TENM4: variants seen among roughly 807,000 people sequenced by gnomAD.
The protein encoded by TENM4 is teneurin transmembrane protein 4.
A neutral mutation model predicts 243.3 loss-of-function variants in TENM4; 82 were observed. That is an observed-to-expected ratio of 0.34 (90% confidence interval 0.28 to 0.40). The LOEUF (loss-of-function observed/expected upper bound fraction) is 0.40, where lower values mean the gene tolerates loss of function less well. TENM4 is among the 10% of genes least tolerant of loss of function. The pLI, the probability that TENM4 is intolerant of heterozygous loss-of-function variation, is 1.00. For missense variants in TENM4, 3,138 were observed against 3,673.3 expected (o/e 0.85, Z 3.77); for synonymous variants, 1,412 against 1,456.3 (o/e 0.97, Z 0.69).
At chr11:78,707,674 G>A (rs1413315290) in intron 27 of TENM4, among the ~76,000 whole-genome samples, 1 of 152,164 alleles carries the variant, frequency 6.6e-6, no homozygotes, top group Non-Finnish European at 1.5e-5. Context: ...TATTCAACCT[G>A]TAAAACTTGC....
At chr11:79,318,183 C>T (rs368136711) in intron 1 of TENM4, among the ~76,000 whole-genome samples, 282 of 152,242 alleles carry the variant, frequency 1.9e-3, no homozygotes, top group African/African-American at 6.5e-3. Context: ...AATACAAATA[C>T]AGCAACACTT....
chr11:79,300,965 C>T (rs940443738), intron 1 of TENM4, among the ~76,000 whole-genome samples: 1 of 152,122 alleles, frequency 6.6e-6, no homozygotes, highest in Non-Finnish European at 1.5e-5. Context: ...CACAGCCAAT[C>T]AATCACCAAG....
At chr11:78,718,837 C>T (rs928418725) in intron 25 of TENM4, among the ~76,000 whole-genome samples, 18 of 152,160 alleles carry the variant, frequency 1.2e-4, no homozygotes, top group African/African-American at 3.9e-4. Context: ...TTCTTATTTA[C>T]ACTGGCTGCC....
chr11:78,936,842 G>C (rs561506957), intron 6 of TENM4, among the ~76,000 whole-genome samples: 13 of 152,278 alleles, frequency 8.5e-5, no homozygotes, highest in South Asian at 6.2e-4. Context: ...GGAAGGAGGA[G>C]AGGCTGCCCT....
intron 1 of TENM4, among the ~76,000 whole-genome samples, chr11:79,418,788 G>A (rs1436715746): frequency 2.0e-5 from 3 of 152,134 alleles, no homozygotes; most frequent in South Asian, 2.1e-4. Context: ...ACTCCATTAC[G>A]TGGCTGTGTC....
At chr11:79,220,457 T>G (rs896474883) in intron 2 of TENM4, among the ~76,000 whole-genome samples, 3 of 152,184 alleles carry the variant, frequency 2.0e-5, no homozygotes, top group African/African-American at 7.2e-5. Flanking sequence ...TTTTTACATT[T>G]CTTTATTATT....
intron 16 of TENM4, among the ~76,000 whole-genome samples, chr11:78,786,516 G>A (rs1386657861): frequency 6.6e-6 from 1 of 152,236 alleles, no homozygotes; most frequent in African/African-American, 2.4e-5. Flanking sequence ...CATCTTACGA[G>A]TGAGGAAACT....
At chr11:79,410,106 T>C (rs1363268274) in intron 1 of TENM4, among the ~76,000 whole-genome samples, 1 of 152,204 alleles carries the variant, frequency 6.6e-6, no homozygotes, top group African/African-American at 2.4e-5. Flanking sequence ...TTGGGCCGCA[T>C]TCAAAACCAT....
Position 78,903,497 on chromosome 11 carries a change from C to G in TENM4, c.520G>C (p.Ala174Pro). The part of the protein sequence containing the change: ...TDHPGGLQNH[A>P]RLRTPPPPLS... ...GGCGGCGGCGGCGTCCGGAGCCGCG[C>G]GTGGTTCTGCAGGCCGCCCGGATGA... The change falls in exon 7 of 34, where the codon GCG becomes CCG. Residue 174 changes from alanine (A) to proline (P), a missense_variant. Physicochemically the swap from Ala to Pro is conservative, Grantham distance 27. Transcript: ENST00000278550. The G allele has an allele frequency of 6.5e-7, 1 of 1,547,578 alleles. No individual in the cohort carries two copies. Among genetic ancestry groups the G allele is most frequent in the Non-Finnish European group, 8.7e-7 (1 of 1,146,438 alleles).
At chr11:79,247,102 C>CACTTA (rs1555035023) in intron 2 of TENM4, among the ~76,000 whole-genome samples, 1 of 150,846 alleles carries the variant, frequency 6.6e-6, no homozygotes, top group Non-Finnish European at 1.5e-5. Context: ...AAGAACAGGA[C>CACTTA]AGATGGAATT....
At chr11:79,127,947 T>C (rs1267838262) in intron 4 of TENM4, among the ~76,000 whole-genome samples, 1 of 152,192 alleles carries the variant, frequency 6.6e-6, no homozygotes, top group Non-Finnish European at 1.5e-5. Flanking sequence ...GTGGGCCTAT[T>C]TGGATTTTGG....
chr11:79,211,869 T>C (rs1863962554), intron 3 of TENM4, among the ~76,000 whole-genome samples: 1 of 152,178 alleles, frequency 6.6e-6, no homozygotes, highest in East Asian at 1.9e-4. Flanking sequence ...GCACAGGTGC[T>C]TTAGGGCATG....
intron 1 of TENM4, among the ~76,000 whole-genome samples, chr11:79,432,750 A>G (rs1388101294): frequency 6.6e-6 from 1 of 152,174 alleles, no homozygotes; most frequent in African/African-American, 2.4e-5. Context: ...CAGAAAAAGG[A>G]CCTCTAAAGG....
chr11:78,895,984 C>T (rs1855784378), intron 7 of TENM4, among the ~76,000 whole-genome samples: 1 of 152,304 alleles, frequency 6.6e-6, no homozygotes, highest in South Asian at 2.1e-4. Context: ...GGACTAGCCC[C>T]TGAACTGCCT....
intron 6 of TENM4, among the ~76,000 whole-genome samples, chr11:78,999,571 A>T (rs1858263281): frequency 6.6e-6 from 1 of 152,194 alleles, no homozygotes; most frequent in Admixed American, 6.5e-5. Flanking sequence ...ATAAATAAAA[A>T]GAGAACAGTA....
chr11:79,019,776 T>C (rs2136795022), intron 6 of TENM4, among the ~76,000 whole-genome samples: 1 of 152,242 alleles, frequency 6.6e-6, no homozygotes, highest in South Asian at 2.1e-4. Flanking sequence ...ACAGACACTA[T>C]GACATTAGAC....
intron 4 of TENM4, among the ~76,000 whole-genome samples, chr11:79,126,706 CTCAA>C (rs1861885496): frequency 6.6e-6 from 1 of 152,156 alleles, no homozygotes; most frequent in South Asian, 2.1e-4. Flanking sequence ...ATCATGGCCC[CTCAA>C]TCAATTTCCA....
At chr11:79,123,110 G>A (rs1298778610) in intron 4 of TENM4, among the ~76,000 whole-genome samples, 4 of 152,160 alleles carry the variant, frequency 2.6e-5, no homozygotes, top group East Asian at 1.9e-4. Context: ...GCTGGGAAAC[G>A]TTGGGAAAGG....
chr11:79,278,237 G>C (rs1221882968), intron 2 of TENM4, among the ~76,000 whole-genome samples: 1 of 152,156 alleles, frequency 6.6e-6, no homozygotes, highest in African/African-American at 2.4e-5. Context: ...ATGCCTAAGG[G>C]GTTCACAAGG....
Sources: allele counts gnomAD v4.1 joint callset (sites outside exome capture counted in the v4.1 genomes callset), GRCh38; gene constraint gnomAD v4.1.1; transcripts MANE v1.5; gene names NCBI Gene and HGNC (gene_info 2026-07-23, HGNC 2026-07-21).